The following SGCZ variants were observed in gnomAD, a reference collection of about 807,000 sequenced individuals.
SGCZ encodes the protein zeta-sarcoglycan.
In SGCZ, 40 loss-of-function variants were observed where a neutral mutation model predicts 41.3. That is an observed-to-expected ratio of 0.97 (90% CI 0.75 to 1.26). SGCZ has a LOEUF of 1.26. SGCZ is among the 50% of genes most tolerant of loss of function. The pLI, the probability that SGCZ is intolerant of heterozygous loss-of-function variation, is 0.00. For synonymous variants in SGCZ, 206 were observed against 137.5 expected (o/e 1.50, Z -3.49); for missense variants, 552 against 369.8 (o/e 1.49, Z -4.04).
In SGCZ at chr8:15,210,824, G is replaced by A. The variant is rs150033766; in HGVS notation, c.39+26761C>T. On this transcript the variant is annotated intron_variant, in intron 1 of 7. Transcript: ENST00000382080. ...CTCTGAAAGCAATCTCCTATTGGCC[G>A]TTTCTTACTCAGTCACTCCCATTAA... Among the ~76,000 whole-genome samples, 914 of 151,998 alleles carry A rather than the reference G, an allele frequency of 6.0e-3. 10 individuals carry two copies. Among genetic ancestry groups the A allele is most frequent in the African/African-American group, 0.021 (856 of 41,466 alleles).
intron 3 of SGCZ, among the ~76,000 whole-genome samples, chr8:14,288,584 T>C (rs1037435277): frequency 3.3e-5 from 5 of 152,184 alleles, no homozygotes; most frequent in African/African-American, 1.2e-4. Flanking sequence ...TCAAGATTCA[T>C]TCATGTTGAA....
intron 1 of SGCZ, among the ~76,000 whole-genome samples, chr8:14,797,066 C>T (rs1283824992): frequency 6.6e-6 from 1 of 152,042 alleles, no homozygotes; most frequent in African/African-American, 2.4e-5. Flanking sequence ...TGAGAGAAGA[C>T]TAATATGGTA....
chr8:14,229,443 C>T (rs1284774676), intron 4 of SGCZ, among the ~76,000 whole-genome samples: 1 of 151,948 alleles, frequency 6.6e-6, no homozygotes, highest in Non-Finnish European at 1.5e-5. Flanking sequence ...ACAATTTCCT[C>T]AAATGGATTA....
chr8:14,717,893 G>T (rs959043191), intron 1 of SGCZ, among the ~76,000 whole-genome samples: 3 of 151,488 alleles, frequency 2.0e-5, no homozygotes, highest in Admixed American at 6.6e-5. Flanking sequence ...TTATTTTGTG[G>T]ACATAAAATC....
At chr8:14,758,771 G>A (rs1200523152) in intron 1 of SGCZ, among the ~76,000 whole-genome samples, 3 of 152,142 alleles carry the variant, frequency 2.0e-5, no homozygotes, top group African/African-American at 7.2e-5. Context: ...CACTTTGGGA[G>A]GCCGAGGCGG....
intron 2 of SGCZ, among the ~76,000 whole-genome samples, chr8:14,536,764 C>G (rs1172355284): frequency 6.7e-6 from 1 of 149,356 alleles, no homozygotes; most frequent in Non-Finnish European, 1.5e-5. Context: ...TAAGGGCTTT[C>G]CATTTTTTTC....
chr8:14,522,356 T>C (rs1802815619), intron 2 of SGCZ, among the ~76,000 whole-genome samples: 1 of 152,058 alleles, frequency 6.6e-6, no homozygotes, highest in African/African-American at 2.4e-5. Context: ...AAATCTTCAG[T>C]GAAATCACTT....
At chr8:14,689,805 C>T (rs915059719) in intron 1 of SGCZ, among the ~76,000 whole-genome samples, 4 of 152,116 alleles carry the variant, frequency 2.6e-5, no homozygotes, top group Non-Finnish European at 5.9e-5. Flanking sequence ...TAAAGAGAAT[C>T]CCCATCAGCT....
chr8:15,222,682 G>A (rs1254138820), intron 1 of SGCZ, among the ~76,000 whole-genome samples: 2 of 151,984 alleles, frequency 1.3e-5, no homozygotes, highest in Non-Finnish European at 2.9e-5. Flanking sequence ...CAAACTGCTT[G>A]GCTGGTCAAG....
intron 2 of SGCZ, among the ~76,000 whole-genome samples, chr8:14,486,828 G>A (rs1236387263): frequency 6.6e-6 from 1 of 152,212 alleles, no homozygotes; most frequent in Non-Finnish European, 1.5e-5. Context: ...GGCTGTGAAT[G>A]ATTACGTTTT....
chr8:14,301,250 C>G (rs1433446739), intron 3 of SGCZ, among the ~76,000 whole-genome samples: 1 of 151,944 alleles, frequency 6.6e-6, no homozygotes, highest in East Asian at 1.9e-4. Flanking sequence ...AGCTAAGAGT[C>G]TACATCTATC....
rs182407794 is a variant in SGCZ at position 14,989,036 on chromosome 8, G to C, written c.39+248549C>G. Among the ~76,000 whole-genome samples, 145 of 152,120 alleles carry C rather than the reference G, an allele frequency of 9.5e-4. 1 individual carries two copies. The highest frequency in any genetic ancestry group is 3.2e-3 in the African/African-American group (132 of 41,506). Reference sequence around the variant, plus strand: ...TATTTCATGGGACTCTAAGAGTGTGGATTTCTCTTAAGAATCCAGGGAATC... The same window carrying C: ...TATTTCATGGGACTCTAAGAGTGTGCATTTCTCTTAAGAATCCAGGGAATC... On this transcript the variant is annotated intron_variant, in intron 1 of 7. Coordinates refer to ENST00000382080, the MANE Select transcript of SGCZ (RefSeq NM_139167.4).
intron 2 of SGCZ, among the ~76,000 whole-genome samples, chr8:14,422,176 C>A (rs1249368436): frequency 6.6e-6 from 1 of 151,922 alleles, no homozygotes; most frequent in Non-Finnish European, 1.5e-5. Flanking sequence ...AAAATATAAT[C>A]CAAAATATGA....
intron 5 of SGCZ, among the ~76,000 whole-genome samples, chr8:14,130,411 T>C (rs573224033): frequency 6.6e-6 from 1 of 152,182 alleles, no homozygotes; most frequent in Admixed American, 6.5e-5. Context: ...TAAGAAAATA[T>C]AGATAACAGT....
chr8:14,739,241 C>G (rs560556964), intron 1 of SGCZ, among the ~76,000 whole-genome samples: 1 of 151,780 alleles, frequency 6.6e-6, no homozygotes, highest in Non-Finnish European at 1.5e-5. Flanking sequence ...TATCTAAATA[C>G]AGCATCTGCA....
At chr8:14,257,820 A>G (rs928310339) in intron 3 of SGCZ, among the ~76,000 whole-genome samples, 1 of 152,164 alleles carries the variant, frequency 6.6e-6, no homozygotes, top group African/African-American at 2.4e-5. Context: ...GAAGCTCTAC[A>G]TAACAAATTT....
At chr8:15,151,423 T>C (rs147630697) in intron 1 of SGCZ, among the ~76,000 whole-genome samples, 12 of 152,372 alleles carry the variant, frequency 7.9e-5, no homozygotes, top group Admixed American at 3.9e-4. Context: ...GAAATAATGA[T>C]ATGTTCAACT....
chr8:14,803,893 G>C (rs1458879978), intron 1 of SGCZ, among the ~76,000 whole-genome samples: 1 of 87,338 alleles, frequency 1.1e-5, no homozygotes, highest in Non-Finnish European at 2.0e-5. Flanking sequence ...AGAACGGGCA[G>C]ACTGCCTCCT....
intron 3 of SGCZ, among the ~76,000 whole-genome samples, chr8:14,299,714 T>C (rs1801124674): frequency 1.3e-5 from 2 of 151,916 alleles, no homozygotes; most frequent in African/African-American, 4.8e-5. Flanking sequence ...CTGGTAGTAT[T>C]GTACCAAATA....
Sources: allele counts gnomAD v4.1 joint callset (sites outside exome capture counted in the v4.1 genomes callset), GRCh38; gene constraint gnomAD v4.1.1; transcripts MANE v1.5; gene names NCBI Gene and HGNC (gene_info 2026-07-23, HGNC 2026-07-21).